Variants in CEP85 observed in about 807,000 individuals in gnomAD.
CEP85 encodes centrosomal protein 85, also known as centrosomal protein of 85 kDa.
A neutral mutation model predicts 93.7 loss-of-function variants in CEP85; 58 were observed. The observed-to-expected ratio is 0.62, with a 90% confidence interval of 0.50 to 0.77. CEP85 has a LOEUF of 0.77. Ranked by LOEUF, CEP85 falls within the 30% of genes least tolerant of loss-of-function variation. The probability of loss-of-function intolerance (pLI) is 0.00; values close to 1 mark genes in which losing one functional copy is unlikely to be tolerated. For synonymous variants in CEP85, 314 were observed against 338.6 expected, an observed-to-expected ratio of 0.93 and a Z score of 0.80; for missense variants, 868 against 922.0, an observed-to-expected ratio of 0.94 and a Z score of 0.76.
At chr1:26,251,307 A>G (rs2089611306) in intron 3 of CEP85, among the ~76,000 whole-genome samples, 1 of 139,740 alleles carries the variant, frequency 7.2e-6, no homozygotes, top group East Asian at 2.1e-4. Context: ...GCTGGAGTGC[A>G]ATGGTGCAAT....
chr1:26,270,956 A>G lies in CEP85; in HGVS notation c.1650-58A>G, dbSNP rs2089964901. The stretch of plus-strand genomic sequence containing the variant: ...AAATGTGCAATAAGTAGCAGAACCA[A>G]GAATCAAAGCCACTTGTGTCTAACT... On this transcript the variant is annotated intron_variant, in intron 9 of 13. Coordinates refer to ENST00000451429, the MANE Select transcript of CEP85 (RefSeq NM_001319944.2). The G allele has an allele frequency of 5.9e-5, 63 of 1,075,894 alleles. 1 individual carries two copies. The South Asian group carries it at 8.0e-4, about 14-fold the overall frequency. 66.6% of individuals were successfully genotyped at this position (1,075,894 alleles called of 1,614,324 possible). A position where few individuals can be genotyped will look rare whatever the true frequency, so the allele number is the denominator to read the frequency against.
intron 8 of CEP85, 106 bp from the exon 9 acceptor site, chr1:26,269,354 A>C (rs954026641): frequency 2.7e-5 from 31 of 1,168,192 alleles, no homozygotes; most frequent in Non-Finnish European, 3.3e-5. Context: ...TGCTGAGGAA[A>C]TTAAATATAG....
intron 2 of CEP85, among the ~76,000 whole-genome samples, chr1:26,240,956 A>G (rs2089413444): frequency 6.6e-6 from 1 of 152,118 alleles, no homozygotes. Context: ...TGTATATTAA[A>G]CACATAAATA....
intron 1 of CEP85, among the ~76,000 whole-genome samples, chr1:26,235,564 ATTCTTTTT>A (rs2089312349): frequency 1.4e-5 from 1 of 69,552 alleles, no homozygotes; most frequent in African/African-American, 5.8e-5. Context: ...TTAGATTGTA[ATTCTTTTT>A]TTTTTTTTTT....
chr1:26,265,003 T>C (rs1386661320), intron 7 of CEP85, among the ~76,000 whole-genome samples: 18 of 129,766 alleles, frequency 1.4e-4, no homozygotes, highest in Non-Finnish European at 2.9e-4. Context: ...TTTTTTTTTT[T>C]AGATAGAGTC....
chr1:26,237,903 CTA>C (rs2089352078), intron 1 of CEP85, among the ~76,000 whole-genome samples: 1 of 152,096 alleles, frequency 6.6e-6, no homozygotes. Context: ...TCTAATCATT[CTA>C]TGTCATCATT....
At chr1:26,258,090 T>A (rs775400073) in intron 5 of CEP85, 53 bp from the exon 6 acceptor site, 139 of 1,204,340 alleles carry the variant, frequency 1.2e-4, no homozygotes, top group Middle Eastern at 1.9e-4. Context: ...TAGGGGCTCA[T>A]ATTGTGAGGG....
intron 4 of CEP85, among the ~76,000 whole-genome samples, 197 bp from the exon 5 acceptor site, chr1:26,257,400 G>A (rs1200122475): frequency 1.3e-5 from 2 of 152,184 alleles, no homozygotes; most frequent in African/African-American, 2.4e-5. Context: ...TTTGAACAGG[G>A]AGTGTTCAGT....
intron 7 of CEP85, among the ~76,000 whole-genome samples, chr1:26,260,433 G>C (rs536406031): frequency 4.6e-5 from 7 of 151,900 alleles, no homozygotes; most frequent in Admixed American, 4.6e-4. Context: ...AGAGGTTGCA[G>C]TGAACCAGGA....
chr1:26,255,948 T>A, intron 4 of CEP85, 83 bp downstream of exon 4: 1 of 1,212,914 alleles, frequency 8.2e-7, no homozygotes, highest in Non-Finnish European at 1.1e-6. Flanking sequence ...GAATTTTGGC[T>A]TAAAGAAAAT....
At chr1:26,268,355 G>A (rs1449064952) in intron 7 of CEP85, 128 bp from the exon 8 acceptor site, 12 of 983,384 alleles carry the variant, frequency 1.2e-5, no homozygotes, top group Admixed American at 2.2e-5. Flanking sequence ...CTACTCCAGG[G>A]GCTGAGGTAG....
chr1:26,239,963 A>G (rs1204004050), intron 2 of CEP85, 125 bp downstream of exon 2: 10 of 696,718 alleles, frequency 1.4e-5, no homozygotes, highest in African/African-American at 7.2e-5. Flanking sequence ...TAAAAATAAC[A>G]TGGGGCTTCA....
chr1:26,263,892 A>G (rs1425959271), intron 7 of CEP85, among the ~76,000 whole-genome samples: 1 of 152,174 alleles, frequency 6.6e-6, no homozygotes, highest in Non-Finnish European at 1.5e-5. Flanking sequence ...ACCAGAGTAT[A>G]TGGAGGGCCG....
chr1:26,248,947 C>T lies in CEP85; in HGVS notation c.208+4629C>T, dbSNP rs559079969. On this transcript the variant is annotated intron_variant, in intron 3 of 13. Coordinates refer to ENST00000451429, the MANE Select transcript of CEP85 (RefSeq NM_001319944.2). ...TTCACCGTGTTAGCCAGAATGGTCT[C>T]GATCTCCTGACCTCACGATCTGCCC... Among the ~76,000 whole-genome samples, 16 of 152,110 alleles carry T rather than the reference C, an allele frequency of 1.1e-4. No homozygotes were observed. In the South Asian group the frequency reaches 3.3e-3, roughly 32 times the overall value.
At chr1:26,241,869 C>T (rs1011801205) in intron 2 of CEP85, among the ~76,000 whole-genome samples, 8 of 151,666 alleles carry the variant, frequency 5.3e-5, no homozygotes, top group Non-Finnish European at 1.5e-5. Flanking sequence ...TTAAGTGATT[C>T]TTGTGCCTCA....
chr1:26,258,536 A>T (rs1438389819), intron 6 of CEP85, among the ~76,000 whole-genome samples: 1 of 146,768 alleles, frequency 6.8e-6, no homozygotes, highest in East Asian at 1.9e-4. Flanking sequence ...ATGTTATGAG[A>T]AGTCTTAATT....
At chr1:26,276,430 C>T in intron 12 of CEP85, 105 bp from the exon 13 acceptor site, 1 of 836,446 alleles carries the variant, frequency 1.2e-6, no homozygotes. Context: ...GAAGGAGGGA[C>T]ACTGCCTATG....
At chr1:26,241,821 G>A (rs1288250833) in intron 2 of CEP85, among the ~76,000 whole-genome samples, 2 of 151,834 alleles carry the variant, frequency 1.3e-5, no homozygotes, top group Admixed American at 1.3e-4. Context: ...GAGTGCAGTG[G>A]CACAATCTCA....
At chr1:26,261,096 C>T (rs969835039) in intron 7 of CEP85, among the ~76,000 whole-genome samples, 1 of 151,670 alleles carries the variant, frequency 6.6e-6, no homozygotes, top group South Asian at 2.1e-4. Context: ...CAGCTGGATT[C>T]TGCATTTCTG....
Sources: allele counts gnomAD v4.1 joint callset (sites outside exome capture counted in the v4.1 genomes callset), GRCh38; gene constraint gnomAD v4.1.1; transcripts MANE v1.5; gene names NCBI Gene and HGNC (gene_info 2026-07-23, HGNC 2026-07-21).